HS6ST2: variants seen among roughly 807,000 people sequenced by gnomAD.
The protein encoded by HS6ST2 is heparan-sulfate 6-O-sulfotransferase 2.
Under a neutral mutation model 33.0 loss-of-function variants are expected in HS6ST2, and 17 were observed. The ratio of observed to expected loss-of-function variants is 0.52; its 90% confidence interval spans 0.35 to 0.77. HS6ST2 has a LOEUF of 0.77. Ranked by LOEUF, HS6ST2 falls within the 30% of genes least tolerant of loss-of-function variation. The pLI is 0.01. For missense variants in HS6ST2, 519 were observed against 551.7 expected (o/e 0.94, Z 0.59); for synonymous variants, 248 against 237.1 (o/e 1.05, Z -0.42).
intron 2 of HS6ST2, among the ~76,000 whole-genome samples, chrX:132,886,382 AATT>A (rs2066252831): frequency 9.0e-6 from 1 of 111,541 alleles, no homozygotes; most frequent in Admixed American, 9.6e-5. Flanking sequence ...AATCTATAGA[AATT>A]ATCTTATTTG....
At chrX:132,828,693 T>C (rs867560387) in intron 2 of HS6ST2, among the ~76,000 whole-genome samples, 17 of 72,914 alleles carry the variant, frequency 2.3e-4, no homozygotes, top group Non-Finnish European at 3.0e-4. Flanking sequence ...TATATATATA[T>C]ACACACACAC....
At chrX:132,694,777 T>C (rs1305835235) in intron 3 of HS6ST2, among the ~76,000 whole-genome samples, 3 of 110,693 alleles carry the variant, frequency 2.7e-5, no homozygotes, top group African/African-American at 9.9e-5. Flanking sequence ...ATTCCAGATA[T>C]ATTATGCAGG....
intron 2 of HS6ST2, among the ~76,000 whole-genome samples, chrX:132,717,843 G>A (rs922994735): frequency 9.8e-5 from 11 of 112,053 alleles, no homozygotes; most frequent in African/African-American, 2.9e-4. Context: ...ACATGAAGGT[G>A]TAGCACCATT....
At chrX:132,859,647 GGGAA>G (rs1206904839) in intron 2 of HS6ST2, among the ~76,000 whole-genome samples, 1 of 80,764 alleles carries the variant, frequency 1.2e-5, no homozygotes, top group Non-Finnish European at 2.4e-5. Flanking sequence ...AGAGGAAGGA[GGGAA>G]GGAAGGAAGG....
At chrX:132,917,176 C>G (rs1043655131) in intron 2 of HS6ST2, among the ~76,000 whole-genome samples, 2 of 111,538 alleles carry the variant, frequency 1.8e-5, no homozygotes, top group African/African-American at 3.3e-5. Context: ...ATCTGGGGAA[C>G]ATAGTTTGAA....
At chrX:132,848,330 G>C (rs2065771774) in intron 2 of HS6ST2, among the ~76,000 whole-genome samples, 1 of 112,578 alleles carries the variant, frequency 8.9e-6, no homozygotes, top group Non-Finnish European at 1.9e-5. Context: ...TCCCTCCTGG[G>C]TAGGATGGAT....
intron 2 of HS6ST2, among the ~76,000 whole-genome samples, chrX:132,908,356 A>G (rs1472560251): frequency 8.9e-6 from 1 of 112,298 alleles, no homozygotes; most frequent in Non-Finnish European, 1.9e-5. Context: ...CAGCCTGACA[A>G]TTCCTCAAAT....
intron 2 of HS6ST2, among the ~76,000 whole-genome samples, chrX:132,895,416 A>G (rs1362108535): frequency 1.8e-5 from 2 of 111,572 alleles, no homozygotes; most frequent in African/African-American, 6.5e-5. Flanking sequence ...AATGTCATGT[A>G]TACTTCTCTT....
At chrX:132,666,869 G>A (rs1466678745) in intron 4 of HS6ST2, among the ~76,000 whole-genome samples, 5 of 111,045 alleles carry the variant, frequency 4.5e-5, no homozygotes, top group Non-Finnish European at 7.5e-5. Flanking sequence ...GGCATCCTCT[G>A]GGCTGGTTGT....
chrX:132,729,769 C>G (rs1472976936), intron 2 of HS6ST2, among the ~76,000 whole-genome samples: 1 of 111,293 alleles, frequency 9.0e-6, no homozygotes, highest in African/African-American at 3.3e-5. Context: ...GAAAATTTCT[C>G]AGTTTTAAAT....
At chrX:132,798,187 CCT>C (rs1201173638) in intron 2 of HS6ST2, among the ~76,000 whole-genome samples, 1 of 110,072 alleles carries the variant, frequency 9.1e-6, no homozygotes, top group Non-Finnish European at 1.9e-5. Flanking sequence ...AAAAGGGGCC[CCT>C]ACTGCATATT....
intron 2 of HS6ST2, among the ~76,000 whole-genome samples, chrX:132,946,880 G>T (rs762885139): frequency 1.1e-3 from 123 of 111,869 alleles, no homozygotes; most frequent in Non-Finnish European, 1.8e-3. Context: ...AGATCTTCTT[G>T]GAAAATAAGG....
intron 2 of HS6ST2, among the ~76,000 whole-genome samples, chrX:132,897,486 A>G (rs959404720): frequency 9.0e-6 from 1 of 111,597 alleles, no homozygotes; most frequent in East Asian, 2.8e-4. Flanking sequence ...GAATTTCCTC[A>G]TCTATAAAAT....
At position 132,669,097 on chromosome X, in the gene HS6ST2, G is replaced by A; in HGVS notation, c.1067+16C>T. ...TGACAGCTATGTCAGATGTACAGGA[G>A]CACTTTTTCACTTACTTCCCACTCT... On this transcript the variant is annotated intron_variant, in intron 4 of 4. Transcript: ENST00000370833. 9.1e-7 allele frequency: 1 copy of A among 1,095,194 alleles called. No individual in the cohort carries two copies. Among genetic ancestry groups the A allele is most frequent in the Non-Finnish European group, 1.3e-6 (1 of 791,573 alleles). 90.3% of individuals were successfully genotyped at this position (1,095,194 alleles called of 1,213,427 possible). A position where few individuals can be genotyped will look rare whatever the true frequency, so the allele number is the denominator to read the frequency against.
intron 4 of HS6ST2, among the ~76,000 whole-genome samples, chrX:132,655,272 G>A (rs1046058127): frequency 1.8e-5 from 2 of 112,127 alleles, no homozygotes; most frequent in African/African-American, 6.5e-5. Flanking sequence ...CTGTTCAGAG[G>A]AGGGAGAGAT....
intron 2 of HS6ST2, 78 bp from the exon 3 acceptor site, chrX:132,708,572 G>T: frequency 1.1e-6 from 1 of 904,760 alleles, no homozygotes; most frequent in Non-Finnish European, 1.6e-6. Flanking sequence ...GTTTTCCATT[G>T]TGCTTTAAGA....
chrX:132,799,678 A>G (rs2065217240), intron 2 of HS6ST2, among the ~76,000 whole-genome samples: 1 of 111,318 alleles, frequency 9.0e-6, no homozygotes, highest in Non-Finnish European at 1.9e-5. Flanking sequence ...TGCTGTGCCC[A>G]GCCCTCTTTT....
chrX:132,768,678 G>A (rs2064871441), intron 2 of HS6ST2, among the ~76,000 whole-genome samples: 1 of 112,071 alleles, frequency 8.9e-6, no homozygotes, highest in African/African-American at 3.2e-5. Flanking sequence ...TTGGGAACAG[G>A]CTTGGCTTTT....
intron 2 of HS6ST2, among the ~76,000 whole-genome samples, chrX:132,917,286 T>C (rs1264394703): frequency 8.9e-6 from 1 of 111,761 alleles, no homozygotes; most frequent in Admixed American, 9.5e-5. Flanking sequence ...CAAGGTTCTG[T>C]CCAAGCATAT....
Sources: gnomAD v4.1 joint callset for allele counts (sites outside exome capture counted in the v4.1 genomes callset) on GRCh38, gnomAD v4.1.1 for gene constraint, MANE v1.5 for transcripts, NCBI Gene and HGNC (gene_info 2026-07-23, HGNC 2026-07-21) for gene names.